CACNA2D4: variants seen among roughly 807,000 people sequenced by gnomAD.
CACNA2D4 encodes calcium voltage-gated channel auxiliary subunit alpha2delta 4, also known as voltage-dependent calcium channel subunit alpha-2/delta-4.
In CACNA2D4, 157 loss-of-function variants were observed where a neutral mutation model predicts 163.8. The ratio of observed to expected loss-of-function variants is 0.96; its 90% CI spans 0.84 to 1.09. CACNA2D4 has a LOEUF of 1.09. CACNA2D4 is among the 50% of genes least tolerant of loss of function. CACNA2D4 has a pLI of 0.00. For missense variants in CACNA2D4, 1,410 were observed against 1,479.9 expected (o/e 0.95, Z 0.78); for synonymous variants, 598 against 586.9 (o/e 1.02, Z -0.27).
rs77779352 is a variant in CACNA2D4, at chr12:1,809,381, G to A, written c.2721+897C>T. On this transcript the variant is annotated intron_variant, in intron 29 of 37. Coordinates refer to ENST00000382722, the MANE Select transcript of CACNA2D4 (RefSeq NM_172364.5). ...CGGCGAGACACAGCTAATGGAAGTC[G>A]CTTGCCCACATCACGTTTCTAATTA... The A allele has an allele frequency of 4.6e-3, 2,847 of 616,702 alleles. 54 individuals carry two copies. In the African/African-American group the frequency reaches 0.047, roughly 10 times the overall value. 38.2% of individuals were successfully genotyped at this position (616,702 alleles called of 1,614,324 possible).
Position 1,879,833 on chromosome 12 carries a change from T to A in CACNA2D4, c.1534A>T (p.Met512Leu). 1 of 1,603,468 alleles carries A rather than the reference T, an allele frequency of 6.2e-7. No individual in the cohort carries two copies. Among genetic ancestry groups the A allele is most frequent in the African/African-American group, 1.3e-5 (1 of 74,868 alleles). The change falls in exon 14 of 38, where the codon ATG (methionine) becomes TTG (leucine). Residue 512 changes from methionine (M) to leucine (L), a missense_variant. By Grantham distance (15) the Met-to-Leu change is conservative. Coordinates refer to ENST00000382722, the MANE Select transcript of CACNA2D4 (RefSeq NM_172364.5). ...TCGTTCTTCTTGCTGAAGACTGGCA[T>A]GGCCACAGTGGTGAGCAGTGTCAGG... ...QSLTLLTTVAMPVFSKKNETR... is the reference protein window; with the variant it reads ...QSLTLLTTVALPVFSKKNETR...
chr12:1,800,916 T>TGGTCAA (rs1355559571), intron 31 of CACNA2D4, 127 bp downstream of exon 31: 1 of 787,494 alleles, frequency 1.3e-6, no homozygotes, highest in African/African-American at 1.7e-5. Context: ...AAGATGGAGA[T>TGGTCAA]GGTCAAGGTA....
intron 18 of CACNA2D4, among the ~76,000 whole-genome samples, chr12:1,867,002 TA>T (rs1865666039): frequency 6.6e-6 from 1 of 152,146 alleles, no homozygotes; most frequent in African/African-American, 2.4e-5. Flanking sequence ...GAAATTTGAG[TA>T]GACAGTTTTT....
rs760352668 is a variant in CACNA2D4, at chr12:1,883,025, T to G, written c.1352-25A>C. ...CCTGCGGTGGGGAAGGCCGCGTGGG[T>G]GTGGAAGGCAGGGCTTCCCTGGGAA... On this transcript the variant is annotated intron_variant, in intron 12 of 37. Transcript: ENST00000382722. This position sits in a 1 kb window ranked among gnomAD's most constrained non-coding sequence, Gnocchi z 4.5. The G allele has an allele frequency of 3.1e-6, 5 of 1,605,392 alleles. No homozygotes were observed. Among genetic ancestry groups the G allele is most frequent in the Non-Finnish European group, 2.6e-6 (3 of 1,175,792 alleles).
chr12:1,853,420 G>C (rs546199893), intron 23 of CACNA2D4, among the ~76,000 whole-genome samples: 1 of 152,174 alleles, frequency 6.6e-6, no homozygotes, highest in Admixed American at 6.5e-5. Context: ...GAGGAGGTTT[G>C]ACATCTTCAC....
intron 26 of CACNA2D4, among the ~76,000 whole-genome samples, chr12:1,824,789 G>T (rs1311263132): frequency 6.6e-6 from 1 of 152,198 alleles, no homozygotes; most frequent in Non-Finnish European, 1.5e-5. Context: ...ATGGAGGCGT[G>T]TTGGTAGGCA....
intron 6 of CACNA2D4, among the ~76,000 whole-genome samples, chr12:1,888,169 C>T (rs1295822971): frequency 1.3e-5 from 2 of 152,052 alleles, no homozygotes; most frequent in South Asian, 2.1e-4. Context: ...TTCCTGAGGC[C>T]ACATTCTTAC....
chr12:1,889,233 T>G (rs560632850), intron 6 of CACNA2D4, among the ~76,000 whole-genome samples: 1 of 152,350 alleles, frequency 6.6e-6, no homozygotes, highest in East Asian at 1.9e-4. Context: ...CTGGAGGACT[T>G]ACTTTAAGAA....
chr12:1,850,142 G>A (rs1011942711), intron 23 of CACNA2D4, among the ~76,000 whole-genome samples: 1 of 152,152 alleles, frequency 6.6e-6, no homozygotes, highest in Non-Finnish European at 1.5e-5. Flanking sequence ...TGTGCTAGAC[G>A]TCATCAAATT....
At chr12:1,887,733 T>G (rs1018306258) in intron 6 of CACNA2D4, among the ~76,000 whole-genome samples, 3 of 152,210 alleles carry the variant, frequency 2.0e-5, no homozygotes, top group Admixed American at 2.0e-4. Flanking sequence ...AACACTGACA[T>G]GATCCACAAT....
intron 37 of CACNA2D4, among the ~76,000 whole-genome samples, chr12:1,794,300 G>C (rs1408884153): frequency 2.6e-5 from 4 of 152,188 alleles, no homozygotes; most frequent in African/African-American, 4.8e-5. Context: ...GGTTGACTTC[G>C]TATTTTAATG....
intron 6 of CACNA2D4, 55 bp from the exon 7 acceptor site, chr12:1,887,124 CCTGG>C (rs1565730277): frequency 7.7e-7 from 1 of 1,296,136 alleles, no homozygotes; most frequent in African/African-American, 1.5e-5. Context: ...CCCCAGATCC[CCTGG>C]CTGGGTGTGG....
rs1864523424 is a variant in CACNA2D4, at chr12:1,829,550, G to A, written c.2551+11189C>T. On this transcript the variant is annotated intron_variant, in intron 26 of 37. Coordinates refer to ENST00000382722, the MANE Select transcript of CACNA2D4 (RefSeq NM_172364.5). This position sits in a 1 kb window ranked among gnomAD's most constrained non-coding sequence, Gnocchi z 4.2. ...CTGGGCCAGATCTAGCCACGTGTCAGCTCTCAGCTGTCATCGATCCTCCAG... is the reference window on the plus strand; with the variant it reads ...CTGGGCCAGATCTAGCCACGTGTCAACTCTCAGCTGTCATCGATCCTCCAG... Among the ~76,000 whole-genome samples, 1 of 152,096 alleles carries A rather than the reference G, an allele frequency of 6.6e-6. No homozygotes were observed. The highest frequency in any genetic ancestry group is 1.5e-5 in the Non-Finnish European group (1 of 67,998).
rs760371969 is a variant in CACNA2D4 at position 1,799,634 on chromosome 12, A to G, written c.2995+41T>C. 2.6e-6 allele frequency: 4 copies of G among 1,557,682 alleles called. No homozygotes were observed. Among genetic ancestry groups the G allele is most frequent in the Non-Finnish European group, 3.5e-6 (4 of 1,150,640 alleles). The stretch of plus-strand genomic sequence containing the variant: ...TCTTTGTAGCTCCTGCTGCGTCCCC[A>G]ACCCACCGCCAGCAGGGATGGCCTC... On this transcript the variant is annotated intron_variant, in intron 34 of 37. Transcript: ENST00000382722. This position sits in a 1 kb window ranked among gnomAD's most constrained non-coding sequence, Gnocchi z 4.7.
chr12:1,904,248 G>T (rs938661780), intron 6 of CACNA2D4, among the ~76,000 whole-genome samples: 7 of 151,982 alleles, frequency 4.6e-5, no homozygotes, highest in African/African-American at 1.4e-4. Context: ...TTGGGGAGAA[G>T]TGGGATGGTT....
At chr12:1,915,373 T>C in intron 1 of CACNA2D4, 2 of 643,622 alleles carry the variant, frequency 3.1e-6, no homozygotes, top group Non-Finnish European at 5.6e-6. Flanking sequence ...TTCCAGGGCC[T>C]CTGGTTGGAG....
At chr12:1,805,273 GC>G (rs1252340697) in intron 29 of CACNA2D4, among the ~76,000 whole-genome samples, 1 of 152,198 alleles carries the variant, frequency 6.6e-6, no homozygotes, top group Non-Finnish European at 1.5e-5. Flanking sequence ...GCAGATGGGG[GC>G]AGAGGCAGGC....
chr12:1,849,737 G>C (rs986315629), intron 23 of CACNA2D4, among the ~76,000 whole-genome samples: 1 of 152,106 alleles, frequency 6.6e-6, no homozygotes, highest in Non-Finnish European at 1.5e-5. Context: ...TAAAAAGTAC[G>C]TGTGTGTATG....
At chr12:1,908,596 C>G (rs888621602) in intron 4 of CACNA2D4, among the ~76,000 whole-genome samples, 1 of 152,112 alleles carries the variant, frequency 6.6e-6, no homozygotes, top group Non-Finnish European at 1.5e-5. Context: ...CACACCTGAA[C>G]ACCCCCCAGG....
Sources: gnomAD v4.1 joint callset for allele counts (sites outside exome capture counted in the v4.1 genomes callset) on GRCh38, gnomAD v4.1.1 for gene constraint, Gnocchi (gnomAD v3.1) non-coding constraint, MANE v1.5 for transcripts, NCBI Gene and HGNC (gene_info 2026-07-23, HGNC 2026-07-21) for gene names.